The following HIGD1A variants were observed in gnomAD, a reference collection of about 807,000 sequenced individuals.
HIGD1A encodes the protein HIG1 hypoxia inducible domain family member 1A.
HIGD1A carries 8 observed loss-of-function variants against 11.3 expected under a neutral mutation model. That is an observed-to-expected ratio of 0.71 (90% CI 0.42 to 1.28). The LOEUF (loss-of-function observed/expected upper bound fraction) is 1.28, where lower values mean the gene tolerates loss of function less well. Ranked by LOEUF, HIGD1A falls within the 50% of genes most tolerant of loss-of-function variation. The pLI is 0.01. For synonymous variants in HIGD1A, 32 were observed against 38.4 expected, an observed-to-expected ratio of 0.83 and a Z score of 0.62; for missense variants, 107 against 118.8, an observed-to-expected ratio of 0.90 and a Z score of 0.46.
In HIGD1A at chr3:42,783,393, A is replaced by C. The variant is rs1396020196; in HGVS notation, c.*1878T>G. ...CCAGCACTTTGGGAGGCTGAGGCAG[A>C]TAGATCTCTTGAAGCCAGGAGTTCA... On this transcript the variant is annotated 3_prime_UTR_variant, in exon 4 of 4. Coordinates refer to ENST00000321331, the MANE Select transcript of HIGD1A (RefSeq NM_014056.4). Among the ~76,000 whole-genome samples, 1 of 151,812 alleles carries C rather than the reference A, an allele frequency of 6.6e-6. No individual in the cohort carries two copies. The highest frequency in any genetic ancestry group is 1.5e-5 in the Non-Finnish European group (1 of 67,912).
intron 2 of HIGD1A, among the ~76,000 whole-genome samples, chr3:42,788,750 C>T (rs1330494596): frequency 6.6e-6 from 1 of 151,630 alleles, no homozygotes; most frequent in Non-Finnish European, 1.5e-5. Flanking sequence ...GGTGTGGTGG[C>T]GGGAGTAGTC....
rs1700299944 is a variant in HIGD1A at position 42,783,092 on chromosome 3, G to C, written c.*2179C>G. On this transcript the variant is annotated 3_prime_UTR_variant, in exon 4 of 4. Transcript: ENST00000321331. ...TAAATCATTAATTTCAGCTGACCAA[G>C]AGATTAATGGGAATGTTTTGAGTTT... Among the ~76,000 whole-genome samples, 1 of 152,180 alleles carries C rather than the reference G, an allele frequency of 6.6e-6. No homozygotes were observed. Among genetic ancestry groups the C allele is most frequent in the Non-Finnish European group, 1.5e-5 (1 of 68,038 alleles).
chr3:42,787,136 A>G (rs562826917), intron 2 of HIGD1A, among the ~76,000 whole-genome samples: 8 of 152,344 alleles, frequency 5.3e-5, no homozygotes, highest in East Asian at 3.9e-4. Context: ...AAATTAGGCT[A>G]TGATTATCAC....
intron 1 of HIGD1A, among the ~76,000 whole-genome samples, chr3:42,803,176 C>T (rs1366753009): frequency 6.6e-6 from 1 of 152,164 alleles, no homozygotes; most frequent in African/African-American, 2.4e-5. Context: ...TATTTAAAGT[C>T]AGTTTGGAGA....
chr3:42,796,092 C>T (rs1435287133), intron 1 of HIGD1A, among the ~76,000 whole-genome samples: 1 of 152,202 alleles, frequency 6.6e-6, no homozygotes, highest in East Asian at 1.9e-4. Context: ...CACCTTGCTA[C>T]TCAAGGGGAG....
intron 1 of HIGD1A, among the ~76,000 whole-genome samples, chr3:42,795,914 T>C (rs1032193097): frequency 2.6e-5 from 4 of 152,184 alleles, no homozygotes; most frequent in African/African-American, 9.7e-5. Flanking sequence ...TACTCACAGA[T>C]AAAATAAGGG....
At chr3:42,793,757 G>C (rs1313399788) in intron 2 of HIGD1A, among the ~76,000 whole-genome samples, 2 of 152,200 alleles carry the variant, frequency 1.3e-5, no homozygotes, top group Non-Finnish European at 2.9e-5. Context: ...GATTGCTTGA[G>C]CCCAGGAGTT....
intron 2 of HIGD1A, among the ~76,000 whole-genome samples, chr3:42,790,747 T>C (rs1434911502): frequency 2.0e-5 from 3 of 152,232 alleles, no homozygotes; most frequent in Non-Finnish European, 2.9e-5. Context: ...GTAATCCAAA[T>C]GTAAAAATGA....
intron 1 of HIGD1A, among the ~76,000 whole-genome samples, chr3:42,800,465 T>G (rs1575365204): frequency 6.6e-6 from 1 of 152,006 alleles, no homozygotes; most frequent in Non-Finnish European, 1.5e-5. Context: ...TTTAAGATGC[T>G]CTCTATACCT....
At chr3:42,804,263 A>G (rs1169214506) in intron 1 of HIGD1A, 173 bp downstream of exon 1, 5 of 1,533,394 alleles carry the variant, frequency 3.3e-6, no homozygotes, top group African/African-American at 1.4e-5. Flanking sequence ...TCATCCGCCC[A>G]TGCTCGAGGC....
At position 42,790,528 on chromosome 3, in the gene HIGD1A, G is replaced by A. The variant is rs189932241; in HGVS notation, c.97+3629C>T. ...AGCCTGAGCGACAGAGCAAGACTCC[G>A]TCTCGAAAGAAAGAAAGAAAAACAA... On this transcript the variant is annotated intron_variant, in intron 2 of 3. Coordinates refer to ENST00000321331, the MANE Select transcript of HIGD1A (RefSeq NM_014056.4). Among the ~76,000 whole-genome samples the A allele has an allele frequency of 9.2e-5, 14 of 152,216 alleles. No individual in the cohort carries two copies. The East Asian group carries it at 1.4e-3, about 15-fold the overall frequency.
At position 42,784,580 on chromosome 3, in the gene HIGD1A, A is replaced by G. The variant is rs1462236621; in HGVS notation, c.*691T>C. 1 of 152,650 alleles carries G rather than the reference A, an allele frequency of 6.6e-6. No individual in the cohort carries two copies. Among genetic ancestry groups the G allele is most frequent in the African/African-American group, 2.4e-5 (1 of 41,464 alleles). The allele number at this position is 152,650 out of a possible 1,614,324, so 9.5% of individuals were successfully genotyped here. On this transcript the variant is annotated 3_prime_UTR_variant, in exon 4 of 4. Transcript: ENST00000321331. ...ACCTTTGCGTGAGTGCTTAAAATAC[A>G]TATTTCTATTTCAAGATGACATTTA...
At position 42,799,617 on chromosome 3, in the gene HIGD1A, T is replaced by G. The variant is rs986122714; in HGVS notation, c.-23+4819A>C. On this transcript the variant is annotated intron_variant, in intron 1 of 3. Coordinates refer to ENST00000321331, the MANE Select transcript of HIGD1A (RefSeq NM_014056.4). ...ACAGGTGTGCACCACCATGCCTGGT[T>G]TTTTTTTTTTGTATTTTTAGTATAG... is the stretch of plus-strand genomic sequence containing the variant. Among the ~76,000 whole-genome samples the G allele has an allele frequency of 1.0e-3, 36 of 35,302 alleles. No homozygotes were observed. The African/African-American group carries it at 0.014, about 13-fold the overall frequency. 23.2% of individuals were successfully genotyped at this position (35,302 alleles called of 152,430 possible). A position where few individuals can be genotyped will look rare whatever the true frequency, so the allele number is the denominator to read the frequency against.
At chr3:42,791,515 G>A (rs1700421598) in intron 2 of HIGD1A, among the ~76,000 whole-genome samples, 1 of 152,168 alleles carries the variant, frequency 6.6e-6, no homozygotes, top group Non-Finnish European at 1.5e-5. Context: ...GTGCTACTGA[G>A]AGTATGGGAA....
chr3:42,786,146 T>C lies in HIGD1A; in HGVS notation c.114A>G (p.Ala38=). ...PFVPVGIAGF[A]AIVAYGLYKL... Reference sequence around the variant, plus strand: ...TATATAATCCATATGCAACAATTGCTGCAAAACCCGCTATTCCTGTAAAAC... The same window carrying C: ...TATATAATCCATATGCAACAATTGCCGCAAAACCCGCTATTCCTGTAAAAC... Residue 38 remains alanine, a synonymous_variant, in exon 3 of 4, where the codon GCA becomes GCG. Transcript: ENST00000321331. 8 of 1,614,128 alleles carry C rather than the reference T, an allele frequency of 5.0e-6. No homozygotes were observed. Among genetic ancestry groups the C allele is most frequent in the Non-Finnish European group, 6.8e-6 (8 of 1,179,984 alleles).
rs1328933914 is a variant in HIGD1A at position 42,785,038 on chromosome 3, A to G, written c.*233T>C. The G allele has an allele frequency of 2.2e-6, 1 of 449,318 alleles. No individual in the cohort carries two copies. The highest frequency in any genetic ancestry group is 2.0e-5 in the African/African-American group (1 of 49,684). 27.8% of individuals were successfully genotyped at this position (449,318 alleles called of 1,614,324 possible). ...CAACACCATCAAGTGCATTTAGGTG[A>G]CATGTTTAAGTTAACTTGACTTCCT... is the stretch of plus-strand genomic sequence containing the variant. On this transcript the variant is annotated 3_prime_UTR_variant, in exon 4 of 4. Transcript: ENST00000321331.
At chr3:42,787,791 A>G (rs1700371063) in intron 2 of HIGD1A, among the ~76,000 whole-genome samples, 1 of 150,888 alleles carries the variant, frequency 6.6e-6, no homozygotes, top group Admixed American at 6.6e-5. Flanking sequence ...AAAGCTACAG[A>G]ATTGCACGGC....
chr3:42,790,486 T>C (rs1268241077), intron 2 of HIGD1A, among the ~76,000 whole-genome samples: 1 of 152,180 alleles, frequency 6.6e-6, no homozygotes, highest in African/African-American at 2.4e-5. Flanking sequence ...TAAGCTGAGA[T>C]TGTGCCACTG....
chr3:42,788,746 GT>G (rs1230976416), intron 2 of HIGD1A, among the ~76,000 whole-genome samples: 5 of 151,844 alleles, frequency 3.3e-5, no homozygotes, highest in Admixed American at 6.6e-5. Flanking sequence ...GCCTGGTGTG[GT>G]GGCGGGAGTA....
Sources: allele counts gnomAD v4.1 joint callset (sites outside exome capture counted in the v4.1 genomes callset), GRCh38; gene constraint gnomAD v4.1.1; transcripts MANE v1.5; gene names NCBI Gene and HGNC (gene_info 2026-07-23, HGNC 2026-07-21).